Variants in GDF1 observed in about 807,000 individuals in gnomAD.
GDF1 encodes growth differentiation factor 1, also known as embryonic growth/differentiation factor 1.
GDF1 carries 8 observed loss-of-function variants against 7.4 expected under a neutral mutation model. The ratio of observed to expected loss-of-function variants is 1.09; its 90% CI spans 0.64 to 1.96. The LOEUF (loss-of-function observed/expected upper bound fraction) is 1.96. Ranked by LOEUF, GDF1 falls within the 30% of genes most tolerant of loss-of-function variation. GDF1 has a pLI of 0.00. For missense variants in GDF1, 574 were observed against 551.5 expected, an observed-to-expected ratio of 1.04 and a Z score of -0.41; for synonymous variants, 311 against 276.7, an observed-to-expected ratio of 1.12 and a Z score of -1.23.
chr19:18,879,436 C>G (rs2056139789), intron 4 of GDF1, 48 bp from the exon 5 acceptor site: 1 of 1,543,128 alleles, frequency 6.5e-7, no homozygotes, highest in Non-Finnish European at 8.7e-7. Context: ...GGACGGTGCC[C>G]TACCCAGTCC....
intron 2 of GDF1, among the ~76,000 whole-genome samples, chr19:18,893,054 T>C (rs546472736): frequency 4.6e-5 from 7 of 151,082 alleles, no homozygotes; most frequent in Admixed American, 6.6e-5. Context: ...GTAGCTGGGA[T>C]TACAGGCGCC....
In GDF1 at chr19:18,878,983, G is replaced by A; in HGVS notation, c.-366C>T. The A allele has an allele frequency of 4.3e-6, 7 of 1,613,822 alleles. No individual in the cohort carries two copies. Among genetic ancestry groups the A allele is most frequent in the Non-Finnish European group, 5.9e-6 (7 of 1,179,850 alleles). On this transcript the variant is annotated 5_prime_UTR_variant, in exon 6 of 8. Coordinates refer to ENST00000247005, the MANE Select transcript of GDF1 (RefSeq NM_001492.6). The surrounding 1 kb of genome is among the most constrained non-coding windows in gnomAD (Gnocchi z 4.6). ...CCTCGGCTGTGTCATACTCCCGCAG[G>A]TCCTTCAGCTCGTGCACCTGGCCTG...
chr19:18,891,412 G>A (rs1014375279), intron 2 of GDF1, among the ~76,000 whole-genome samples: 9 of 152,158 alleles, frequency 5.9e-5, no homozygotes, highest in Non-Finnish European at 1.3e-4. Flanking sequence ...CGCAGATGGG[G>A]TTTCCTACAT....
At chr19:18,883,352 A>G (rs2056261737) in intron 3 of GDF1, 2 of 152,148 alleles carry the variant, frequency 1.3e-5, no homozygotes, top group Admixed American at 6.5e-5. Flanking sequence ...TATATCCAAA[A>G]TATTGTCATT....
intron 6 of GDF1, among the ~76,000 whole-genome samples, chr19:18,874,941 T>C (rs2056035426): frequency 6.6e-6 from 1 of 152,172 alleles, no homozygotes; most frequent in Non-Finnish European, 1.5e-5. Flanking sequence ...CCAATCCTGA[T>C]TGAATTTTCG....
Position 18,893,253 on chromosome 19 carries a change from C to T in GDF1, c.-914+163G>A, listed in dbSNP as rs570510703. On this transcript the variant is annotated intron_variant, in intron 2 of 7. Coordinates refer to ENST00000247005, the MANE Select transcript of GDF1 (RefSeq NM_001492.6). ...GATACAAGACAGGGTCTCACTCTGT[C>T]GTCCAGGCTGGAGTGCAGTGGCGTG... 3.1e-4 allele frequency among the ~76,000 whole-genome samples: 45 copies of T among 146,114 alleles called. No individual in the cohort carries two copies. In the South Asian group the frequency reaches 4.0e-3, roughly 13 times the overall value.
rs1001474711 is a variant in GDF1, at chr19:18,870,859, GC to G, written c.-312-241del. On this transcript the variant is annotated intron_variant, in intron 6 of 7. Coordinates refer to ENST00000247005, the MANE Select transcript of GDF1 (RefSeq NM_001492.6). The surrounding 1 kb of genome is among the most constrained non-coding windows in gnomAD (Gnocchi z 5.1). Reference sequence around the variant, plus strand: ...CCTGGCACCCTGGCACTTCCTCCTTGCTTCCCCCTCTCCAATTAAACCTTCC... The same window carrying G: ...CCTGGCACCCTGGCACTTCCTCCTTGTTCCCCCTCTCCAATTAAACCTTCC... Among the ~76,000 whole-genome samples the G allele has an allele frequency of 2.0e-5, 3 of 151,102 alleles. No individual in the cohort carries two copies. Among genetic ancestry groups the G allele is most frequent in the Non-Finnish European group, 4.4e-5 (3 of 67,860 alleles).
chr19:18,884,381 T>C, intron 2 of GDF1, 114 bp from the exon 3 acceptor site: 2 of 957,110 alleles, frequency 2.1e-6, no homozygotes, highest in East Asian at 5.3e-5. Context: ...CAGGTAACCA[T>C]GCGTGTCTGA....
In GDF1 at chr19:18,868,664, T is replaced by TCAAAGAAGAGCA. The variant is rs1568289321; in HGVS notation, c.1040_1051dup (p.Val347_Phe350dup). ...CCGCAGCACCACGTTGTCGCTGTTG[T>TCAAAGAAGAGCA]CAAAGAAGAGCACGGAGATGGGCGA... is the stretch of plus-strand genomic sequence containing the variant. On this transcript the variant is annotated inframe_insertion, in exon 8 of 8. Coordinates refer to ENST00000247005, the MANE Select transcript of GDF1 (RefSeq NM_001492.6). 1.3e-6 allele frequency: 2 copies of TCAAAGAAGAGCA among 1,575,328 alleles called. No homozygotes were observed. The highest frequency in any genetic ancestry group is 1.7e-6 in the Non-Finnish European group (2 of 1,160,476).
chr19:18,876,872 A>T (rs2056069502), intron 6 of GDF1, among the ~76,000 whole-genome samples: 1 of 152,060 alleles, frequency 6.6e-6, no homozygotes, highest in African/African-American at 2.4e-5. Context: ...ATTTGAATTC[A>T]CCAGCTTCTT....
rs1792598984 is a variant in GDF1 at position 18,876,623 on chromosome 19, C to G, written c.-313+2307G>C. Among the ~76,000 whole-genome samples the G allele has an allele frequency of 4.1e-5, 6 of 146,600 alleles. No homozygotes were observed. The Admixed American group carries it at 4.1e-4, about 10-fold the overall frequency. On this transcript the variant is annotated intron_variant, in intron 6 of 7. Transcript: ENST00000247005. Reference sequence around the variant, plus strand: ...TGGTCTTGAACACCTGGCCTCAAGCCATCCTCCTGCCTTGGCCTCCCAAAG... The same window carrying G: ...TGGTCTTGAACACCTGGCCTCAAGCGATCCTCCTGCCTTGGCCTCCCAAAG...
chr19:18,887,827 G>A (rs1294278963), intron 2 of GDF1, among the ~76,000 whole-genome samples: 2 of 151,564 alleles, frequency 1.3e-5, no homozygotes, highest in Non-Finnish European at 2.9e-5. Flanking sequence ...ACATTATTGT[G>A]CAACCATCAC....
At chr19:18,889,898 C>T (rs1268069349) in intron 2 of GDF1, among the ~76,000 whole-genome samples, 1 of 152,186 alleles carries the variant, frequency 6.6e-6, no homozygotes, top group African/African-American at 2.4e-5. Context: ...TCTAGGGTGG[C>T]AGCAAATACT....
At position 18,888,538 on chromosome 19, in the gene GDF1, A is replaced by C. The variant is rs1353358938; in HGVS notation, c.-913-4271T>G. On this transcript the variant is annotated intron_variant, in intron 2 of 7. Transcript: ENST00000247005. ...GTCTCTTAAAAAAAAAAAAAAAAAA[A>C]AAAAAAAACAGGCTAGGTGCGGTGG... Among the ~76,000 whole-genome samples the C allele has an allele frequency of 8.1e-5, 12 of 148,812 alleles. No homozygotes were observed. The East Asian group carries it at 1.4e-3, about 17-fold the overall frequency.
intron 2 of GDF1, among the ~76,000 whole-genome samples, chr19:18,887,925 C>A (rs988191072): frequency 6.6e-6 from 1 of 152,164 alleles, no homozygotes; most frequent in African/African-American, 2.4e-5. Flanking sequence ...TCCCCTCCCC[C>A]AGCCCTGGCA....
intron 1 of GDF1, among the ~76,000 whole-genome samples, 198 bp from the exon 2 acceptor site, chr19:18,893,773 G>C (rs762786910): frequency 2.6e-5 from 4 of 152,254 alleles, no homozygotes; most frequent in Non-Finnish European, 4.4e-5. Flanking sequence ...CCAGCTGTCC[G>C]GCCGCCGCGG....
Position 18,870,604 on chromosome 19 carries a change from G to T in GDF1, c.-297C>A. 1 of 580,318 alleles carries T rather than the reference G, an allele frequency of 1.7e-6. No homozygotes were observed. The highest frequency in any genetic ancestry group is 3.1e-6 in the Non-Finnish European group (1 of 320,438). The allele number at this position is 580,318 out of a possible 1,614,324, so 35.9% of individuals were successfully genotyped here. On this transcript the variant is annotated 5_prime_UTR_variant, in exon 7 of 8. Coordinates refer to ENST00000247005, the MANE Select transcript of GDF1 (RefSeq NM_001492.6). This position sits in a 1 kb window ranked among gnomAD's most constrained non-coding sequence, Gnocchi z 5.1. ...AGAAGCGCTTGTCCTTCACCAGGCC[G>T]TTCCTCAGTGGCTTCCTGGGGGTCA...
chr19:18,884,355 G>C, intron 2 of GDF1, 88 bp from the exon 3 acceptor site: 1 of 1,265,890 alleles, frequency 7.9e-7, no homozygotes, highest in Non-Finnish European at 1.1e-6. Flanking sequence ...CAAGCCACAC[G>C]TGTCCTCCCA....
In GDF1 at chr19:18,870,086, G is replaced by A; in HGVS notation, c.222C>T (p.Thr74=). 6.3e-7 allele frequency: 1 copy of A among 1,578,322 alleles called. No homozygotes were observed. ...GGGACGTCCGCCGCGAGCCAGACCT[G>A]GTCTCCTGGGGGTCCCGGCGTCGAA... ...RLFRRRDPQE[T]RSGSRRTSPG... is the part of the protein sequence containing the mutation. The change falls in exon 7 of 8, where the codon ACC becomes ACT. Residue 74 remains threonine (T), a synonymous_variant. Transcript: ENST00000247005. The surrounding 1 kb of genome is among the most constrained non-coding windows in gnomAD (Gnocchi z 5.1).
Sources: gnomAD v4.1 joint callset for allele counts (sites outside exome capture counted in the v4.1 genomes callset) on GRCh38, gnomAD v4.1.1 for gene constraint, Gnocchi (gnomAD v3.1) non-coding constraint, MANE v1.5 for transcripts, NCBI Gene and HGNC (gene_info 2026-07-23, HGNC 2026-07-21) for gene names.